Variants in PCDHGA6 observed in about 807,000 individuals in gnomAD.
The protein encoded by PCDHGA6 is protocadherin gamma subfamily A, 6, also known as protocadherin gamma-A6.
A neutral mutation model predicts 60.6 loss-of-function variants in PCDHGA6; 41 were observed. The observed-to-expected ratio is 0.68, with a 90% CI of 0.53 to 0.88. PCDHGA6 has a LOEUF of 0.88. PCDHGA6 is among the 40% of genes least tolerant of loss of function. The pLI is 0.00. For missense variants in PCDHGA6, 1,312 were observed against 1,203.0 expected (o/e 1.09, Z -1.34); for synonymous variants, 594 against 524.4 (o/e 1.13, Z -1.81).
chr5:141,399,278 G>A (rs1373250809), intron 1 of PCDHGA6: 2 of 1,613,792 alleles, frequency 1.2e-6, no homozygotes, highest in African/African-American at 1.3e-5. Context: ...CAATTACAAG[G>A]CGAAGTCCCT....
intron 1 of PCDHGA6, chr5:141,409,322 C>A (rs1161029892): frequency 6.2e-7 from 1 of 1,613,988 alleles, no homozygotes; most frequent in Non-Finnish European, 8.5e-7. Flanking sequence ...AACACGGGAT[C>A]TGGATTTCGG....
chr5:141,458,553 T>G (rs987591790), intron 1 of PCDHGA6, among the ~76,000 whole-genome samples: 24 of 146,852 alleles, frequency 1.6e-4, no homozygotes, highest in Non-Finnish European at 2.5e-4. Flanking sequence ...TGTTTGTTTG[T>G]TTTGGTTTTG....
At chr5:141,398,573 G>A (rs561224063) in intron 1 of PCDHGA6, 39 of 1,613,870 alleles carry the variant, frequency 2.4e-5, no homozygotes, top group Non-Finnish European at 3.1e-5. Flanking sequence ...GCACAGCCTG[G>A]CACAAGATTT....
At chr5:141,388,353 G>T in intron 1 of PCDHGA6, 1 of 1,613,976 alleles carries the variant, frequency 6.2e-7, no homozygotes, top group Non-Finnish European at 8.5e-7. Context: ...ATTAGGATCT[G>T]CCCATGATGC....
Position 141,489,629 on chromosome 5 carries a change from C to G in PCDHGA6, c.2425-5178C>G. 6.2e-7 allele frequency: 1 copy of G among 1,614,142 alleles called. No individual in the cohort carries two copies. The highest frequency in any genetic ancestry group is 8.5e-7 in the Non-Finnish European group (1 of 1,180,014). On this transcript the variant is annotated intron_variant, in intron 1 of 3. Coordinates refer to ENST00000517434, the MANE Select transcript of PCDHGA6 (RefSeq NM_018919.3). The surrounding 1 kb of genome is among the most constrained non-coding windows in gnomAD (Gnocchi z 4.5). Reference sequence around the variant, plus strand: ...GAGATCCTGGATCTCAATGACAACTCTCCTAGCTTTGCCACCCCTGAGCGA... The same window carrying G: ...GAGATCCTGGATCTCAATGACAACTGTCCTAGCTTTGCCACCCCTGAGCGA...
At chr5:141,398,695 A>G (rs753760185) in intron 1 of PCDHGA6, 3 of 1,613,784 alleles carry the variant, frequency 1.9e-6, no homozygotes, top group Non-Finnish European at 2.5e-6. Flanking sequence ...GGATGGTAGT[A>G]AATACCCGGA....
intron 1 of PCDHGA6, chr5:141,410,095 C>T (rs2095356889): frequency 1.2e-6 from 2 of 1,612,676 alleles, no homozygotes; most frequent in Non-Finnish European, 1.7e-6. Flanking sequence ...CGGCTCGAGC[C>T]TTAGGCGACA....
intron 1 of PCDHGA6, chr5:141,384,439 C>A (rs1314559914): frequency 6.2e-7 from 1 of 1,614,016 alleles, no homozygotes; most frequent in South Asian, 1.1e-5. Flanking sequence ...CACTGGAGTC[C>A]TGTACGCGCT....
chr5:141,449,154 A>G (rs2098630387), intron 1 of PCDHGA6, among the ~76,000 whole-genome samples: 1 of 152,180 alleles, frequency 6.6e-6, no homozygotes, highest in African/African-American at 2.4e-5. Flanking sequence ...TGGGTCAAAG[A>G]GGAAATAGGT....
chr5:141,404,764 C>T (rs371618979), intron 1 of PCDHGA6: 1 of 1,613,802 alleles, frequency 6.2e-7, no homozygotes, highest in Non-Finnish European at 8.5e-7. Context: ...ATGCTTGGCT[C>T]TCCTACCGCC....
In PCDHGA6 at chr5:141,477,125, A is replaced by G; in HGVS notation, c.2425-17682A>G. The G allele has an allele frequency of 2.5e-6, 4 of 1,614,212 alleles. No individual in the cohort carries two copies. The highest frequency in any genetic ancestry group is 3.4e-6 in the Non-Finnish European group (4 of 1,180,036). On this transcript the variant is annotated intron_variant, in intron 1 of 3. Transcript: ENST00000517434. This position sits in a 1 kb window ranked among gnomAD's most constrained non-coding sequence, Gnocchi z 4.9. ...CGCCAATCCCGAAGGAGCACATTGC[A>G]AAGTGTTGGTGGAGGTTGTGGATGT...
At chr5:141,468,668 C>T (rs993230755) in intron 1 of PCDHGA6, 1 of 149,910 alleles carries the variant, frequency 6.7e-6, no homozygotes, top group Admixed American at 6.7e-5. Context: ...AGATCAAGAC[C>T]ATCCTGGCTA....
intron 1 of PCDHGA6, chr5:141,393,012 G>T: frequency 1.9e-6 from 3 of 1,613,842 alleles, no homozygotes; most frequent in Non-Finnish European, 2.5e-6. Context: ...AGTCCGTATC[G>T]TCTCCAGAGG....
intron 1 of PCDHGA6, among the ~76,000 whole-genome samples, chr5:141,454,795 A>G (rs79012896): frequency 9.1e-6 from 1 of 110,272 alleles, no homozygotes; most frequent in South Asian, 3.0e-4. Flanking sequence ...CCATGGTTCT[A>G]ATTTTTTTTT....
intron 1 of PCDHGA6, chr5:141,418,211 C>T (rs752988020): frequency 1.2e-6 from 2 of 1,613,916 alleles, no homozygotes; most frequent in East Asian, 4.5e-5. Context: ...AAATATTTTT[C>T]ATGTCATTGT....
intron 1 of PCDHGA6, chr5:141,441,697 C>T: frequency 6.5e-6 from 2 of 307,306 alleles, no homozygotes; most frequent in Non-Finnish European, 1.3e-5. Flanking sequence ...CAGCCGCGAG[C>T]CTTCAAGCTC....
chr5:141,394,136 C>G, intron 1 of PCDHGA6: 1 of 1,613,956 alleles, frequency 6.2e-7, no homozygotes, highest in Non-Finnish European at 8.5e-7. Flanking sequence ...TCGCTCTGCA[C>G]GTGGCAGACA....
intron 1 of PCDHGA6, among the ~76,000 whole-genome samples, chr5:141,463,911 T>C (rs749224024): frequency 6.6e-6 from 1 of 152,156 alleles, no homozygotes; most frequent in African/African-American, 2.4e-5. Context: ...TAATAATATA[T>C]CCTGGAAATC....
At position 141,486,027 on chromosome 5, in the gene PCDHGA6, C is replaced by A. The variant is rs2099623152; in HGVS notation, c.2425-8780C>A. 2 of 1,614,048 alleles carry A rather than the reference C, an allele frequency of 1.2e-6. No individual in the cohort carries two copies. Among genetic ancestry groups the A allele is most frequent in the African/African-American group, 2.7e-5 (2 of 74,912 alleles). On this transcript the variant is annotated intron_variant, in intron 1 of 3. Coordinates refer to ENST00000517434, the MANE Select transcript of PCDHGA6 (RefSeq NM_018919.3). The surrounding 1 kb of genome is among the most constrained non-coding windows in gnomAD (Gnocchi z 5.0). ...GTCACCTTTTATTTCAGTGGTCATA[C>A]CCCTGATCGTGTAAGAAACCTCTTT...
Sources: gnomAD v4.1 joint callset for allele counts (sites outside exome capture counted in the v4.1 genomes callset) on GRCh38, gnomAD v4.1.1 for gene constraint, Gnocchi (gnomAD v3.1) non-coding constraint, MANE v1.5 for transcripts, NCBI Gene and HGNC (gene_info 2026-07-23, HGNC 2026-07-21) for gene names.